THSD4: variants seen among roughly 807,000 people sequenced by gnomAD.
THSD4 encodes thrombospondin type-1 domain-containing protein 4.
THSD4 carries 69 observed loss-of-function variants against 119.0 expected under a neutral mutation model. The ratio of observed to expected loss-of-function variants is 0.58; its 90% CI spans 0.48 to 0.71. THSD4 has a LOEUF of 0.71. THSD4 is among the 30% of genes least tolerant of loss of function. The pLI, the probability that THSD4 is intolerant of heterozygous loss-of-function variation, is 0.00. For missense variants in THSD4, 1,393 were observed against 1,391.1 expected (o/e 1.00, Z -0.02); for synonymous variants, 524 against 540.4 (o/e 0.97, Z 0.42).
rs977632377 is a variant in THSD4 at position 71,545,132 on chromosome 15, G to A, written c.1153-115398G>A. On this transcript the variant is annotated intron_variant, in intron 7 of 17. Coordinates refer to ENST00000261862, the MANE Select transcript of THSD4 (RefSeq NM_024817.3). ...TGAATGTACTTAACGCCACTCAATT[G>A]TATACTTAGTAATGGCCAAAATGAT... Among the ~76,000 whole-genome samples the A allele has an allele frequency of 5.9e-5, 9 of 152,330 alleles. No individual in the cohort carries two copies. The South Asian group carries it at 6.2e-4, about 11-fold the overall frequency.
chr15:71,545,961 C>T (rs887813373), intron 7 of THSD4, among the ~76,000 whole-genome samples: 3 of 152,126 alleles, frequency 2.0e-5, no homozygotes, highest in Non-Finnish European at 4.4e-5. Context: ...TGAGGCTTTT[C>T]AAGTGTTTAT....
chr15:71,323,243 A>C (rs192604321), intron 6 of THSD4, among the ~76,000 whole-genome samples: 166 of 152,272 alleles, frequency 1.1e-3, no homozygotes, highest in African/African-American at 3.8e-3. Flanking sequence ...AAAAGCATGG[A>C]TACTAGAAGG....
At chr15:71,298,581 T>G (rs751960190) in intron 6 of THSD4, among the ~76,000 whole-genome samples, 7 of 151,200 alleles carry the variant, frequency 4.6e-5, no homozygotes, top group African/African-American at 1.5e-4. Flanking sequence ...TCTGTGAGAC[T>G]GAGACTGACC....
chr15:71,214,602 G>A lies in THSD4; in HGVS notation c.100-433G>A, dbSNP rs118051381. ...CACACTAGGAAGTGGTGGCAGGGGT[G>A]TAATCATAGGCAGTCTGGCTCTAAA... On this transcript the variant is annotated intron_variant, in intron 3 of 17. Coordinates refer to ENST00000261862, the MANE Select transcript of THSD4 (RefSeq NM_024817.3). 1.8e-3 allele frequency among the ~76,000 whole-genome samples: 278 copies of A among 152,350 alleles called. 2 individuals are homozygous for A. Among genetic ancestry groups the A allele is most frequent in the Non-Finnish European group, 1.1e-3 (73 of 68,030 alleles).
At chr15:71,674,485 C>T (rs2051598311) in intron 8 of THSD4, among the ~76,000 whole-genome samples, 1 of 152,130 alleles carries the variant, frequency 6.6e-6, no homozygotes, top group South Asian at 2.1e-4. Flanking sequence ...TGCTTTTCAC[C>T]CTGGCTGCAC....
intron 7 of THSD4, among the ~76,000 whole-genome samples, chr15:71,484,432 C>T (rs1393897327): frequency 1.3e-5 from 2 of 152,142 alleles, no homozygotes; most frequent in Non-Finnish European, 2.9e-5. Context: ...TTTGAAGAAA[C>T]CAAGGTTCAG....
chr15:71,322,377 A>G (rs1448535982), intron 6 of THSD4, among the ~76,000 whole-genome samples: 1 of 152,170 alleles, frequency 6.6e-6, no homozygotes, highest in African/African-American at 2.4e-5. Flanking sequence ...AGTCCAAGGA[A>G]CAGATCAGAA....
At chr15:71,255,204 T>C (rs1004009922) in intron 5 of THSD4, among the ~76,000 whole-genome samples, 5 of 152,068 alleles carry the variant, frequency 3.3e-5, no homozygotes, top group African/African-American at 1.2e-4. Context: ...GGGGCCAGGC[T>C]CCTTTTCCTT....
At chr15:71,317,740 GA>G (rs1207918882) in intron 6 of THSD4, among the ~76,000 whole-genome samples, 2 of 152,130 alleles carry the variant, frequency 1.3e-5, no homozygotes, top group Non-Finnish European at 2.9e-5. Flanking sequence ...TGAGGACTGG[GA>G]ATGGTCTGGC....
intron 2 of THSD4, 73 bp downstream of exon 2, chr15:71,141,629 C>G: frequency 2.0e-6 from 3 of 1,487,102 alleles, no homozygotes; most frequent in Non-Finnish European, 2.7e-6. Context: ...TCTGTCATTT[C>G]TTAAAGTAAG....
At chr15:71,386,973 C>G (rs994911594) in intron 6 of THSD4, among the ~76,000 whole-genome samples, 4 of 152,174 alleles carry the variant, frequency 2.6e-5, no homozygotes, top group Non-Finnish European at 5.9e-5. Context: ...CATTACACTG[C>G]TTGCTACTTT....
At chr15:71,656,575 G>T (rs1213653691) in intron 7 of THSD4, among the ~76,000 whole-genome samples, 1 of 152,138 alleles carries the variant, frequency 6.6e-6, no homozygotes, top group South Asian at 2.1e-4. Flanking sequence ...TGGTAACTAT[G>T]CTTTGAACTT....
intron 7 of THSD4, among the ~76,000 whole-genome samples, chr15:71,655,648 G>GA (rs144823562): frequency 0.015 from 2,295 of 151,960 alleles, 65 homozygotes; most frequent in African/African-American, 0.053. Flanking sequence ...CATCCAGGCA[G>GA]AAAAAAAATC....
chr15:71,140,636 G>A (rs111541337), intron 1 of THSD4, among the ~76,000 whole-genome samples: 1,916 of 152,252 alleles, frequency 0.013, 47 homozygotes, highest in African/African-American at 0.044. Context: ...TGTCACATGC[G>A]TTCCCTCATT....
intron 6 of THSD4, among the ~76,000 whole-genome samples, chr15:71,320,168 C>T (rs2045247636): frequency 6.6e-6 from 1 of 152,150 alleles, no homozygotes; most frequent in Admixed American, 6.5e-5. Flanking sequence ...CATCTTCCCC[C>T]ATCAGGTTCA....
chr15:71,481,175 A>G (rs11636588), intron 7 of THSD4, among the ~76,000 whole-genome samples: 140,924 of 152,182 alleles, frequency 0.93, 66,054 homozygotes, highest in East Asian at 1. Flanking sequence ...AAAAATTCTC[A>G]CATTAAATGT....
intron 14 of THSD4, among the ~76,000 whole-genome samples, chr15:71,749,697 T>TTTA (rs2053409085): frequency 7.3e-6 from 1 of 137,630 alleles, no homozygotes; most frequent in African/African-American, 2.7e-5. Flanking sequence ...ATTTTTAAAT[T>TTTA]TTTATTTATT....
intron 7 of THSD4, among the ~76,000 whole-genome samples, chr15:71,445,356 T>A (rs911896184): frequency 1.3e-5 from 2 of 152,188 alleles, no homozygotes; most frequent in African/African-American, 4.8e-5. Flanking sequence ...TCTTTGATCC[T>A]CCACTATCTA....
At position 71,600,748 on chromosome 15, in the gene THSD4, C is replaced by CTT. The variant is rs559657361; in HGVS notation, c.1153-59772_1153-59771dup. 4.8e-4 allele frequency among the ~76,000 whole-genome samples: 67 copies of CTT among 139,896 alleles called. 2 individuals carry two copies. In the East Asian group the frequency reaches 9.4e-3, roughly 20 times the overall value. The allele number at this position is 139,896 out of a possible 152,430, so 91.8% of individuals were successfully genotyped here. A position where few individuals can be genotyped will look rare whatever the true frequency, so the allele number is the denominator to read the frequency against. On this transcript the variant is annotated intron_variant, in intron 7 of 17. Transcript: ENST00000261862. ...TGCCTGTCTTTTTTTTTCTTTCTTTCTTTTTTTTTTTGAGACAGAGTCTTG... is the reference window on the plus strand; with the variant it reads ...TGCCTGTCTTTTTTTTTCTTTCTTTCTTTTTTTTTTTTTGAGACAGAGTCTTG...
Sources: allele counts gnomAD v4.1 joint callset (sites outside exome capture counted in the v4.1 genomes callset), GRCh38; gene constraint gnomAD v4.1.1; transcripts MANE v1.5; gene names NCBI Gene and HGNC (gene_info 2026-07-23, HGNC 2026-07-21).